The following UGT1A7 variants were observed in gnomAD, a reference collection of about 807,000 sequenced individuals.
UGT1A7 encodes UDP-glucuronosyltransferase 1A7.
A neutral mutation model predicts 45.6 loss-of-function variants in UGT1A7; 33 were observed. The observed-to-expected ratio is 0.72, with a 90% CI of 0.55 to 0.97. The LOEUF (loss-of-function observed/expected upper bound fraction) is 0.97. UGT1A7 is among the 50% of genes least tolerant of loss of function. The pLI is 0.00. For missense variants in UGT1A7, 684 were observed against 666.2 expected, an observed-to-expected ratio of 1.03 and a Z score of -0.29; for synonymous variants, 274 against 250.6, an observed-to-expected ratio of 1.09 and a Z score of -0.88.
intron 1 of UGT1A7, among the ~76,000 whole-genome samples, chr2:233,706,260 G>A (rs1000917141): frequency 6.6e-6 from 1 of 152,228 alleles, no homozygotes; most frequent in Non-Finnish European, 1.5e-5. Context: ...AGGGCAGCTG[G>A]ATTGCCCAAC....
At chr2:233,734,121 T>A (rs76091685) in intron 1 of UGT1A7, among the ~76,000 whole-genome samples, 3,256 of 151,966 alleles carry the variant, frequency 0.021, 102 homozygotes, top group African/African-American at 0.073. Context: ...ATAATAATAA[T>A]AAAAAGAATT....
chr2:233,694,331 C>G (rs2075215181), intron 1 of UGT1A7, among the ~76,000 whole-genome samples: 1 of 151,490 alleles, frequency 6.6e-6, no homozygotes, highest in Non-Finnish European at 1.5e-5. Context: ...TATGTTGAGA[C>G]CTGTTTTTAT....
chr2:233,712,128 G>T (rs2076215932), intron 1 of UGT1A7, among the ~76,000 whole-genome samples: 1 of 152,208 alleles, frequency 6.6e-6, no homozygotes, highest in South Asian at 2.1e-4. Flanking sequence ...CAGAAGACTG[G>T]AGCCTTCAGC....
rs867393133 is a variant in UGT1A7 at position 233,772,500 on chromosome 2, C to T, written c.1534C>T (p.Arg512Trp). ...CTTTAAATGTTGTGCTTATGGCTACCGGAAATGCTTGGGGAAAAAAGGGCG... is the reference window on the plus strand; with the variant it reads ...CTTTAAATGTTGTGCTTATGGCTACTGGAAATGCTTGGGGAAAAAAGGGCG... ...ITFKCCAYGY[R>W]KCLGKKGRVK... Residue 512 changes from arginine (R) to tryptophan (W), a missense_variant, in exon 5 of 5, where the codon CGG becomes TGG. Arg to Trp is a moderately radical substitution (Grantham distance 101). Coordinates refer to ENST00000373426, the MANE Select transcript of UGT1A7 (RefSeq NM_019077.3). 25 of 1,614,078 alleles carry T rather than the reference C, an allele frequency of 1.5e-5. No homozygotes were observed. Among genetic ancestry groups the T allele is most frequent in the African/African-American group, 8.0e-5 (6 of 74,994 alleles).
chr2:233,732,449 C>T (rs1329295368), intron 1 of UGT1A7, among the ~76,000 whole-genome samples: 2 of 152,220 alleles, frequency 1.3e-5, no homozygotes, highest in Admixed American at 1.3e-4. Flanking sequence ...TTAGGTCTAA[C>T]ATTTGAGTCT....
At position 233,747,626 on chromosome 2, in the gene UGT1A7, C is replaced by G. The variant is rs546895525; in HGVS notation, c.856-19408C>G. 8.9e-6 allele frequency: 14 copies of G among 1,577,506 alleles called. No homozygotes were observed. The African/African-American group carries it at 1.8e-4, about 20-fold the overall frequency. ...AGCTACTGCATAATGAGGCCCTGAT[C>G]AGGCACCTGAATGCTACTTCCTTCG... On this transcript the variant is annotated intron_variant, in intron 1 of 4. Coordinates refer to ENST00000373426, the MANE Select transcript of UGT1A7 (RefSeq NM_019077.3).
At chr2:233,726,021 C>A (rs745583361) in intron 1 of UGT1A7, among the ~76,000 whole-genome samples, 1 of 152,022 alleles carries the variant, frequency 6.6e-6, no homozygotes, top group Non-Finnish European at 1.5e-5. Flanking sequence ...AAAAAATTAT[C>A]CAGGTGTGAT....
At chr2:233,747,348 G>C in intron 1 of UGT1A7, 1 of 1,603,426 alleles carries the variant, frequency 6.2e-7, no homozygotes, top group Admixed American at 1.7e-5. Flanking sequence ...TCGCATGCGG[G>C]AGGCCGTGCG....
chr2:233,744,090 T>G (rs1692690512), intron 1 of UGT1A7: 7 of 425,206 alleles, frequency 1.6e-5, no homozygotes, highest in South Asian at 1.4e-4. Context: ...CAAGATGCAG[T>G]GCTTCTGGGA....
At chr2:233,755,966 T>C (rs1157014475) in intron 1 of UGT1A7, 5 of 152,190 alleles carry the variant, frequency 3.3e-5, no homozygotes, top group African/African-American at 7.2e-5. Context: ...CTTGGCTCTA[T>C]AGAGAGGTGG....
intron 1 of UGT1A7, chr2:233,761,148 C>T: frequency 6.2e-7 from 1 of 1,614,128 alleles, no homozygotes; most frequent in Non-Finnish European, 8.5e-7. Context: ...ATCCACTATC[C>T]CAGGTGTGTA....
At chr2:233,728,994 A>G in intron 1 of UGT1A7, 1 of 1,552,012 alleles carries the variant, frequency 6.4e-7, no homozygotes, top group Non-Finnish European at 8.7e-7. Flanking sequence ...AATTAACTAG[A>G]GGAGGGCACT....
Position 233,692,995 on chromosome 2 carries a change from T to G in UGT1A7, c.855+10203T>G, listed in dbSNP as rs1456334017. 5.0e-6 allele frequency: 8 copies of G among 1,613,894 alleles called. No homozygotes were observed. In the African/African-American group the frequency reaches 9.3e-5, roughly 19 times the overall value. On this transcript the variant is annotated intron_variant, in intron 1 of 4. Transcript: ENST00000373426. ...TCTTTATTACCGTTGTTACTTTAACTCTTTCCAGGATGGCCTGCCTCCTTC... is the reference window on the plus strand; with the variant it reads ...TCTTTATTACCGTTGTTACTTTAACGCTTTCCAGGATGGCCTGCCTCCTTC...
chr2:233,691,246 A>C (rs1200256560), intron 1 of UGT1A7: 2 of 985,350 alleles, frequency 2.0e-6, no homozygotes, highest in Non-Finnish European at 2.4e-6. Context: ...ATCTAGATGA[A>C]CTCAAAGCAA....
chr2:233,757,560 A>ATATATATATATATATGTG, intron 1 of UGT1A7, among the ~76,000 whole-genome samples: 1 of 123,156 alleles, frequency 8.1e-6, no homozygotes, highest in African/African-American at 3.4e-5. Flanking sequence ...ATATATATAT[A>ATATATATATATATATGTG]TGTATATATG....
intron 1 of UGT1A7, chr2:233,743,968 T>C (rs1283229468): frequency 3.0e-6 from 4 of 1,327,120 alleles, no homozygotes; most frequent in Non-Finnish European, 4.0e-6. Context: ...GCGGCAAGGC[T>C]GCCAGCACCC....
intron 1 of UGT1A7, among the ~76,000 whole-genome samples, chr2:233,756,677 T>A (rs1198081671): frequency 1.3e-5 from 2 of 152,198 alleles, no homozygotes; most frequent in African/African-American, 4.8e-5. Flanking sequence ...CCGCTAGAAC[T>A]GCTATATAAT....
chr2:233,747,868 C>A, intron 1 of UGT1A7: 1 of 1,613,534 alleles, frequency 6.2e-7, no homozygotes, highest in South Asian at 1.1e-5. Flanking sequence ...TACCCTCTGG[C>A]CCTGTCCTAC....
chr2:233,755,278 G>T, intron 1 of UGT1A7: 4 of 710,378 alleles, frequency 5.6e-6, no homozygotes, highest in Non-Finnish European at 8.6e-6. Flanking sequence ...ATGCTGGACT[G>T]CCAAAGAGCC....
Sources: gnomAD v4.1 joint callset for allele counts (sites outside exome capture counted in the v4.1 genomes callset) on GRCh38, gnomAD v4.1.1 for gene constraint, MANE v1.5 for transcripts, NCBI Gene and HGNC (gene_info 2026-07-23, HGNC 2026-07-21) for gene names.